The following NELL1 variants were observed in gnomAD, a reference collection of about 807,000 sequenced individuals.
The protein encoded by NELL1 is protein kinase C-binding protein NELL1.
NELL1 carries 76 observed loss-of-function variants against 107.4 expected under a neutral mutation model. The observed-to-expected ratio is 0.71, with a 90% CI of 0.59 to 0.86. NELL1 has a LOEUF of 0.86. Ranked by LOEUF, NELL1 falls within the 40% of genes least tolerant of loss-of-function variation. NELL1 has a pLI of 0.00. For missense variants in NELL1, 1,024 were observed against 1,005.5 expected (o/e 1.02, Z -0.25); for synonymous variants, 353 against 341.2 (o/e 1.03, Z -0.38).
chr11:20,853,416 CTA>C (rs1848826205), intron 4 of NELL1, among the ~76,000 whole-genome samples: 1 of 152,158 alleles, frequency 6.6e-6, no homozygotes, highest in African/African-American at 2.4e-5. Context: ...AGCAAGAAAT[CTA>C]TGTCTAATTT....
chr11:21,416,302 T>A (rs1852518765), intron 15 of NELL1, among the ~76,000 whole-genome samples: 1 of 152,100 alleles, frequency 6.6e-6, no homozygotes, highest in South Asian at 2.1e-4. Context: ...CTACCTTGGA[T>A]GGGATAATTT....
In NELL1 at chr11:20,977,421, C is replaced by T. The variant is rs111415912; in HGVS notation, c.1300+16861C>T. ...CTGGGACTACAGGCATCTGCCACCA[C>T]GCCCTGCTAATTTTTTTGTATTTTA... On this transcript the variant is annotated intron_variant, in intron 12 of 19. Transcript: ENST00000357134. Among the ~76,000 whole-genome samples the T allele has an allele frequency of 5.3e-5, 8 of 152,078 alleles. No individual in the cohort carries two copies. The East Asian group carries it at 7.8e-4, about 15-fold the overall frequency.
At chr11:20,702,085 A>G (rs1448289011) in intron 2 of NELL1, among the ~76,000 whole-genome samples, 5 of 152,080 alleles carry the variant, frequency 3.3e-5, no homozygotes, top group African/African-American at 7.2e-5. Context: ...CATTGAATCT[A>G]TAAATTACCT....
intron 9 of NELL1, among the ~76,000 whole-genome samples, chr11:20,930,009 G>T (rs1590428821): frequency 1.3e-5 from 2 of 151,422 alleles, no homozygotes; most frequent in Admixed American, 6.6e-5. Flanking sequence ...TATTAGGGAT[G>T]TATTAAAAAA....
At chr11:21,546,454 T>C (rs1856444977) in intron 16 of NELL1, among the ~76,000 whole-genome samples, 1 of 152,004 alleles carries the variant, frequency 6.6e-6, no homozygotes, top group South Asian at 2.1e-4. Flanking sequence ...CATTTTGAAT[T>C]GTAGCTTCAA....
At chr11:20,969,175 C>A (rs1349446498) in intron 12 of NELL1, among the ~76,000 whole-genome samples, 1 of 152,102 alleles carries the variant, frequency 6.6e-6, no homozygotes, top group East Asian at 1.9e-4. Flanking sequence ...TTTTCACTTT[C>A]CTGTTGTATC....
chr11:21,224,332 T>C (rs965618701), intron 13 of NELL1, among the ~76,000 whole-genome samples: 34 of 152,028 alleles, frequency 2.2e-4, no homozygotes, highest in Non-Finnish European at 4.1e-4. Flanking sequence ...AACCTTGACC[T>C]CCTGGGCTCA....
At chr11:21,449,986 CTTTG>C (rs544131411) in intron 15 of NELL1, among the ~76,000 whole-genome samples, 3 of 152,256 alleles carry the variant, frequency 2.0e-5, no homozygotes, top group African/African-American at 7.2e-5. Context: ...AGTTAGCCCT[CTTTG>C]TTTTTCTTGT....
At position 21,280,688 on chromosome 11, in the gene NELL1, T is replaced by G. The variant is rs142527187; in HGVS notation, c.1549+51234T>G. Among the ~76,000 whole-genome samples the G allele has an allele frequency of 1.1e-3, 170 of 152,172 alleles. 1 individual carries two copies. Among genetic ancestry groups the G allele is most frequent in the African/African-American group, 3.7e-3 (153 of 41,530 alleles). On this transcript the variant is annotated intron_variant, in intron 14 of 19. Coordinates refer to ENST00000357134, the MANE Select transcript of NELL1 (RefSeq NM_006157.5). Reference sequence around the variant, plus strand: ...AATCACCATCCCAACAGTCAGAACTTGAGTTACTGCAAGCCTCAGCAAAGC... The same window carrying G: ...AATCACCATCCCAACAGTCAGAACTGGAGTTACTGCAAGCCTCAGCAAAGC...
chr11:21,050,134 CT>C lies in NELL1; in HGVS notation c.1301-63452del, dbSNP rs1363195833. Among the ~76,000 whole-genome samples, 33 of 152,068 alleles carry C rather than the reference CT, an allele frequency of 2.2e-4. 1 individual carries two copies. The highest frequency in any genetic ancestry group is 7.7e-4 in the African/African-American group (32 of 41,396). On this transcript the variant is annotated intron_variant, in intron 12 of 19. Transcript: ENST00000357134. The stretch of plus-strand genomic sequence containing the variant: ...AAAAATATAAGATATAATTATCTGC[CT>C]TTGTCAGCAGTATTATTAACTTGGC...
At chr11:21,484,027 A>ATATATG (rs1554920930) in intron 15 of NELL1, among the ~76,000 whole-genome samples, 2 of 123,090 alleles carry the variant, frequency 1.6e-5, no homozygotes, top group East Asian at 5.5e-4. Context: ...ATATATATAT[A>ATATATG]TATATGTCAA....
chr11:20,992,022 T>C (rs1343796895), intron 12 of NELL1, among the ~76,000 whole-genome samples: 2 of 146,712 alleles, frequency 1.4e-5, no homozygotes, highest in East Asian at 4.0e-4. Context: ...GTTGAAAATA[T>C]TTGTATTTAA....
chr11:20,906,321 A>G (rs1387734195), intron 5 of NELL1, among the ~76,000 whole-genome samples: 2 of 152,132 alleles, frequency 1.3e-5, no homozygotes, highest in Non-Finnish European at 2.9e-5. Context: ...ATCTGAAGAG[A>G]CTTATAATAA....
rs143967801 is a variant in NELL1 at position 21,316,164 on chromosome 11, T to C, written c.1550-54689T>C. On this transcript the variant is annotated intron_variant, in intron 14 of 19. Coordinates refer to ENST00000357134, the MANE Select transcript of NELL1 (RefSeq NM_006157.5). ...TGTGTCATCCACAGCTTGAATCCCT[T>C]CCATCACCACAGCTAAATCCCTGAT... 6.8e-3 allele frequency among the ~76,000 whole-genome samples: 1,038 copies of C among 152,140 alleles called. 14 individuals are homozygous for C. Among genetic ancestry groups the C allele is most frequent in the African/African-American group, 0.024 (988 of 41,512 alleles).
At chr11:21,489,404 A>AAAAAAAAAAAAAAAAAAAAC (rs1554922049) in intron 15 of NELL1, among the ~76,000 whole-genome samples, 3 of 137,200 alleles carry the variant, frequency 2.2e-5, no homozygotes, top group African/African-American at 6.0e-5. Context: ...AAAAAAAAAA[A>AAAAAAAAAAAAAAAAAAAAC]AAAACAGAAG....
In NELL1 at chr11:20,789,552, G is replaced by T. The variant is rs146606590; in HGVS notation, c.335+5722G>T. Among the ~76,000 whole-genome samples, 679 of 152,292 alleles carry T rather than the reference G, an allele frequency of 4.5e-3. 2 individuals carry two copies. Among genetic ancestry groups the T allele is most frequent in the African/African-American group, 0.014 (595 of 41,574 alleles). On this transcript the variant is annotated intron_variant, in intron 3 of 19. Coordinates refer to ENST00000357134, the MANE Select transcript of NELL1 (RefSeq NM_006157.5). ...GCAGCTCTTCTCTTCTCTCCTCTTT[G>T]CCCCCAATGTGGCAAGCAAGGAGAA...
At chr11:21,154,482 TGCTAAG>T (rs1856187521) in intron 13 of NELL1, among the ~76,000 whole-genome samples, 1 of 152,200 alleles carries the variant, frequency 6.6e-6, no homozygotes, top group African/African-American at 2.4e-5. Flanking sequence ...CCAGACTTTA[TGCTAAG>T]TTATGAGACT....
At chr11:21,533,149 G>T (rs1856036446) in intron 15 of NELL1, among the ~76,000 whole-genome samples, 1 of 152,132 alleles carries the variant, frequency 6.6e-6, no homozygotes, top group South Asian at 2.1e-4. Context: ...CATTGAGTTG[G>T]AGTTGCACAG....
At chr11:20,991,503 G>A (rs1013729876) in intron 12 of NELL1, among the ~76,000 whole-genome samples, 2 of 152,208 alleles carry the variant, frequency 1.3e-5, no homozygotes, top group African/African-American at 4.8e-5. Flanking sequence ...CAAGTCACAT[G>A]CTCAGTTCAG....
Sources: allele counts gnomAD v4.1 joint callset (sites outside exome capture counted in the v4.1 genomes callset), GRCh38; gene constraint gnomAD v4.1.1; transcripts MANE v1.5; gene names NCBI Gene and HGNC (gene_info 2026-07-23, HGNC 2026-07-21).